Variants in ARHGAP26 observed in about 807,000 individuals in gnomAD.
ARHGAP26 encodes rho GTPase-activating protein 26.
A neutral mutation model predicts 104.8 loss-of-function variants in ARHGAP26; 38 were observed. The observed-to-expected ratio is 0.36, with a 90% CI of 0.28 to 0.48. The LOEUF (loss-of-function observed/expected upper bound fraction) is 0.48, where lower values mean the gene tolerates loss of function less well. ARHGAP26 is among the 20% of genes least tolerant of loss of function. The pLI is 0.99. For synonymous variants in ARHGAP26, 341 were observed against 340.0 expected (o/e 1.00, Z -0.03); for missense variants, 704 against 947.9 (o/e 0.74, Z 3.38).
At chr5:143,138,462 G>C (rs372857864) in intron 19 of ARHGAP26, among the ~76,000 whole-genome samples, 18 of 152,338 alleles carry the variant, frequency 1.2e-4, no homozygotes, top group African/African-American at 4.3e-4. Context: ...TGAGGAAGGA[G>C]CTAGATATCA....
At chr5:142,814,872 A>C (rs186551165) in intron 1 of ARHGAP26, among the ~76,000 whole-genome samples, 3 of 152,348 alleles carry the variant, frequency 2.0e-5, no homozygotes, top group Admixed American at 2.0e-4. Flanking sequence ...GACAATGCTC[A>C]ATAGTTATTA....
chr5:143,226,354 G>A lies in ARHGAP26; in HGVS notation c.*3908G>A, dbSNP rs539814197. On this transcript the variant is annotated 3_prime_UTR_variant, in exon 23 of 23. Coordinates refer to ENST00000645722, the MANE Select transcript of ARHGAP26 (RefSeq NM_001135608.3). ...AAATTAGCCGGGTGTGGTGGCGGGC[G>A]CCTGTAGTCCCAGCTACTCTGGAGG... is the stretch of plus-strand genomic sequence containing the variant. 4.7e-4 allele frequency: 82 copies of A among 175,314 alleles called. No individual in the cohort carries two copies. Among genetic ancestry groups the A allele is most frequent in the African/African-American group, 1.8e-3 (78 of 42,220 alleles). 10.9% of individuals were successfully genotyped at this position (175,314 alleles called of 1,614,324 possible).
At chr5:142,966,809 A>G (rs1227711685) in intron 11 of ARHGAP26, among the ~76,000 whole-genome samples, 1 of 152,238 alleles carries the variant, frequency 6.6e-6, no homozygotes, top group Non-Finnish European at 1.5e-5. Flanking sequence ...GTAATGAGTT[A>G]TCTTTTAAAA....
chr5:142,806,133 G>T (rs1448361570), intron 1 of ARHGAP26, among the ~76,000 whole-genome samples: 1 of 152,154 alleles, frequency 6.6e-6, no homozygotes, highest in African/African-American at 2.4e-5. Context: ...TTGCTGTTTT[G>T]CCCAGGCTGG....
At chr5:143,185,615 T>C (rs1163493530) in intron 20 of ARHGAP26, among the ~76,000 whole-genome samples, 1 of 152,220 alleles carries the variant, frequency 6.6e-6, no homozygotes, top group African/African-American at 2.4e-5. Flanking sequence ...AGGCTATTTA[T>C]TTCCTTCCTT....
At chr5:142,873,057 G>T (rs866164086) in intron 1 of ARHGAP26, among the ~76,000 whole-genome samples, 1 of 152,252 alleles carries the variant, frequency 6.6e-6, no homozygotes, top group Non-Finnish European at 1.5e-5. Context: ...CCTGCAGGCT[G>T]TGGACACTAA....
intron 16 of ARHGAP26, 90 bp downstream of exon 16, chr5:143,056,176 A>G (rs1785778031): frequency 3.7e-6 from 4 of 1,078,838 alleles, no homozygotes; most frequent in Non-Finnish European, 5.7e-6. Context: ...ATATTACCTA[A>G]CCCTTCGTAT....
chr5:143,012,537 T>TTATATATA lies in ARHGAP26; in HGVS notation c.1108-1537_1108-1536insTATATATA, dbSNP rs752338630. On this transcript the variant is annotated intron_variant, in intron 11 of 22. Transcript: ENST00000645722. ...CATTAGAGTCACTGGAGGGATATAT[T>TTATATATA]TATATACATACATACATATATATAT... Among the ~76,000 whole-genome samples, 4 of 17,660 alleles carry TTATATATA rather than the reference T, an allele frequency of 2.3e-4. 1 individual carries two copies. In the South Asian group the frequency reaches 3.1e-3, roughly 14 times the overall value. 11.6% of individuals were successfully genotyped at this position (17,660 alleles called of 152,430 possible). A position where few individuals can be genotyped will look rare whatever the true frequency, so the allele number is the denominator to read the frequency against.
rs185549392 is a variant in ARHGAP26, at chr5:142,872,880, G to T, written c.155-520G>T. ...CCTGTGCTTGAGTCAGAAGAGGAAG[G>T]CCAGGTGCTATGGGCAGGGCAGTTC... On this transcript the variant is annotated intron_variant, in intron 1 of 22. Transcript: ENST00000645722. Among the ~76,000 whole-genome samples the T allele has an allele frequency of 8.7e-4, 132 of 152,286 alleles. 1 individual carries two copies. The highest frequency in any genetic ancestry group is 2.9e-3 in the African/African-American group (122 of 41,560).
chr5:142,954,165 C>A (rs1768836989), intron 11 of ARHGAP26, among the ~76,000 whole-genome samples: 1 of 152,202 alleles, frequency 6.6e-6, no homozygotes. Context: ...TACCACTAGG[C>A]AATCATCAAG....
At chr5:143,089,871 T>A (rs932050213) in intron 17 of ARHGAP26, among the ~76,000 whole-genome samples, 2 of 152,208 alleles carry the variant, frequency 1.3e-5, no homozygotes, top group African/African-American at 4.8e-5. Context: ...CACGATGTCT[T>A]ATTTTTTTCT....
chr5:143,158,893 AAAG>A, intron 20 of ARHGAP26, among the ~76,000 whole-genome samples: 1 of 146,732 alleles, frequency 6.8e-6, no homozygotes, highest in African/African-American at 2.5e-5. Context: ...ACAAACAAAC[AAAG>A]GCAAAGGTGT....
chr5:142,864,935 C>CGT (rs371516657), intron 1 of ARHGAP26, among the ~76,000 whole-genome samples: 2 of 152,192 alleles, frequency 1.3e-5, no homozygotes, highest in South Asian at 4.1e-4. Context: ...CCCCTTGCCC[C>CGT]GTGTGTGTGT....
chr5:143,124,684 A>G (rs7703874), intron 18 of ARHGAP26, among the ~76,000 whole-genome samples: 17,535 of 152,192 alleles, frequency 0.12, 1,160 homozygotes, highest in East Asian at 0.21. Flanking sequence ...GCCTGGAGCA[A>G]AGTATCATTT....
In ARHGAP26 at chr5:143,227,469, G is replaced by A. The variant is rs997303822; in HGVS notation, c.*5023G>A. 8.6e-6 allele frequency: 2 copies of A among 231,360 alleles called. No homozygotes were observed. The highest frequency in any genetic ancestry group is 1.7e-5 in the Non-Finnish European group (2 of 116,950). The allele number at this position is 231,360 out of a possible 1,614,324, so 14.3% of individuals were successfully genotyped here. A position where few individuals can be genotyped will look rare whatever the true frequency, so the allele number is the denominator to read the frequency against. ...TTGTCATGCTCAAATGTGTTTGGCA[G>A]CCACACCGATCGGCTGGGTGCTGAA... is the stretch of plus-strand genomic sequence containing the variant. On this transcript the variant is annotated 3_prime_UTR_variant, in exon 23 of 23. Coordinates refer to ENST00000645722, the MANE Select transcript of ARHGAP26 (RefSeq NM_001135608.3).
At chr5:143,081,735 T>G (rs1789841998) in intron 17 of ARHGAP26, among the ~76,000 whole-genome samples, 1 of 152,148 alleles carries the variant, frequency 6.6e-6, no homozygotes, top group Non-Finnish European at 1.5e-5. Flanking sequence ...TAGCTTTTGC[T>G]GGGAGCAGTG....
In ARHGAP26 at chr5:143,173,555, G is replaced by A. The variant is rs1283645257; in HGVS notation, c.1988+26174G>A. Among the ~76,000 whole-genome samples the A allele has an allele frequency of 5.3e-5, 8 of 152,302 alleles. No individual in the cohort carries two copies. In the East Asian group the frequency reaches 5.8e-4, roughly 11 times the overall value. On this transcript the variant is annotated intron_variant, in intron 20 of 22. Transcript: ENST00000645722. ...TTTCCGAATTCAGGCACTTCGCTTCGCAATTTACATAGGCATTGTTTTTCT... is the reference window on the plus strand; with the variant it reads ...TTTCCGAATTCAGGCACTTCGCTTCACAATTTACATAGGCATTGTTTTTCT...
chr5:142,893,490 C>T (rs1759009960), intron 5 of ARHGAP26, among the ~76,000 whole-genome samples: 1 of 152,130 alleles, frequency 6.6e-6, no homozygotes, highest in Admixed American at 6.5e-5. Context: ...GTGTATTTAT[C>T]CATTCATCCA....
intron 11 of ARHGAP26, among the ~76,000 whole-genome samples, chr5:142,990,030 A>G (rs987716316): frequency 7.2e-5 from 11 of 151,982 alleles, no homozygotes; most frequent in African/African-American, 2.7e-4. Context: ...GTTCTCCTGG[A>G]TAATATCCTG....
Sources: allele counts gnomAD v4.1 joint callset (sites outside exome capture counted in the v4.1 genomes callset), GRCh38; gene constraint gnomAD v4.1.1; transcripts MANE v1.5; gene names NCBI Gene and HGNC (gene_info 2026-07-23, HGNC 2026-07-21).